DDX4: variants seen among roughly 807,000 people sequenced by gnomAD.
The protein encoded by DDX4 is probable ATP-dependent RNA helicase DDX4.
In DDX4, 25 loss-of-function variants were observed where a neutral mutation model predicts 100.0. The observed-to-expected ratio is 0.25, with a 90% confidence interval of 0.18 to 0.35. The LOEUF (loss-of-function observed/expected upper bound fraction) is 0.35, where lower values mean the gene tolerates loss of function less well. DDX4 is among the 10% of genes least tolerant of loss of function. The probability of loss-of-function intolerance (pLI) is 1.00; values close to 1 mark genes in which losing one functional copy is unlikely to be tolerated. For synonymous variants in DDX4, 259 were observed against 275.7 expected (o/e 0.94, Z 0.60); for missense variants, 635 against 882.4 (o/e 0.72, Z 3.55).
At chr5:55,774,019 C>T (rs1179730224) in intron 7 of DDX4, among the ~76,000 whole-genome samples, 3 of 152,040 alleles carry the variant, frequency 2.0e-5, no homozygotes, top group Non-Finnish European at 4.4e-5. Context: ...GGAGAAATGT[C>T]TTTCAGATCC....
chr5:55,816,437 T>TC lies in DDX4; in HGVS notation c.2098-26_2098-25insC, dbSNP rs780292815. ...AAAATTAAATGTTTGTTTGTTTCTT[T>TC]TTTTTTTTTTTTAAATAATTACCAG... On this transcript the variant is annotated intron_variant, in intron 21 of 21. Coordinates refer to ENST00000505374, the MANE Select transcript of DDX4 (RefSeq NM_024415.3). The TC allele has an allele frequency of 8.6e-6, 13 of 1,505,748 alleles. No homozygotes were observed. The South Asian group carries it at 1.3e-4, about 15-fold the overall frequency. 93.3% of individuals were successfully genotyped at this position (1,505,748 alleles called of 1,614,324 possible). A position where few individuals can be genotyped will look rare whatever the true frequency, so the allele number is the denominator to read the frequency against.
intron 2 of DDX4, among the ~76,000 whole-genome samples, chr5:55,739,550 C>T (rs1228551881): frequency 1.3e-5 from 2 of 152,020 alleles, no homozygotes; most frequent in Admixed American, 6.6e-5. Flanking sequence ...GTTTTTTGGG[C>T]TTCAGTTCTG....
At chr5:55,746,985 A>G (rs1047399803) in intron 3 of DDX4, among the ~76,000 whole-genome samples, 1 of 152,230 alleles carries the variant, frequency 6.6e-6, no homozygotes, top group African/African-American at 2.4e-5. Flanking sequence ...TAATCCCAGC[A>G]CTTTGGGAAG....
chr5:55,757,270 C>T (rs13170813), intron 3 of DDX4, among the ~76,000 whole-genome samples: 17,495 of 152,198 alleles, frequency 0.11, 1,531 homozygotes, highest in East Asian at 0.29. Context: ...CCTCATCGCA[C>T]TCCTTTCCCC....
At position 55,816,876 on chromosome 5, in the gene DDX4, A is replaced by C; in HGVS notation, c.*336A>C. ...TTTATTGATCTTATAAAACAAGCAA[A>C]TAGGATATGATACACTTTTGGTTAA... On this transcript the variant is annotated 3_prime_UTR_variant, in exon 22 of 22. Transcript: ENST00000505374. 1 of 196,182 alleles carries C rather than the reference A, an allele frequency of 5.1e-6. No individual in the cohort carries two copies. Among genetic ancestry groups the C allele is most frequent in the African/African-American group, 2.3e-5 (1 of 43,088 alleles). 12.2% of individuals were successfully genotyped at this position (196,182 alleles called of 1,614,324 possible).
chr5:55,738,856 T>A (rs900284203), intron 1 of DDX4, 94 bp from the exon 2 acceptor site: 2 of 802,140 alleles, frequency 2.5e-6, no homozygotes, highest in Non-Finnish European at 4.2e-6. Flanking sequence ...TTGGGTAGTT[T>A]CAAGATGTAT....
At chr5:55,804,260 C>T (rs1331151587) in intron 18 of DDX4, among the ~76,000 whole-genome samples, 4 of 151,932 alleles carry the variant, frequency 2.6e-5, no homozygotes, top group Admixed American at 6.5e-5. Context: ...AATTTTCTCC[C>T]GTTTTGTAGG....
Position 55,815,417 on chromosome 5 carries a change from C to T in DDX4, c.2091C>T (p.Thr697=). Residue 697 remains threonine (T), a synonymous_variant, in exon 21 of 22, where the codon ACC becomes ACT. Coordinates refer to ENST00000505374, the MANE Select transcript of DDX4 (RefSeq NM_024415.3). ...TRGNVFASVD[T]RKGKSTLNTA... ...GAAACGTGTTTGCATCAGTTGATAC[C>T]AGAAAGGTTAGTAGAAAGGAAAACT... The T allele has an allele frequency of 3.1e-6, 5 of 1,609,486 alleles. No homozygotes were observed. Among genetic ancestry groups the T allele is most frequent in the Non-Finnish European group, 3.4e-6 (4 of 1,179,016 alleles).
chr5:55,760,963 A>G (rs569247815), intron 4 of DDX4, among the ~76,000 whole-genome samples: 14 of 152,310 alleles, frequency 9.2e-5, no homozygotes, highest in African/African-American at 3.4e-4. Context: ...TGTTAAACAT[A>G]CTTGACACTT....
chr5:55,814,504 C>CTT (rs575021582), intron 19 of DDX4, among the ~76,000 whole-genome samples: 6 of 125,998 alleles, frequency 4.8e-5, no homozygotes, highest in African/African-American at 1.0e-4. Context: ...TGCTGCTATT[C>CTT]TTTTTTTTTT....
chr5:55,783,400 C>T (rs1393015223), intron 10 of DDX4, among the ~76,000 whole-genome samples: 2 of 151,944 alleles, frequency 1.3e-5, no homozygotes, highest in Admixed American at 6.6e-5. Flanking sequence ...AAAAATGTTA[C>T]ATCTCATTAG....
chr5:55,780,231 GAGAT>G (rs1408713841), intron 8 of DDX4, among the ~76,000 whole-genome samples, 166 bp downstream of exon 8: 1 of 152,168 alleles, frequency 6.6e-6, no homozygotes, highest in African/African-American at 2.4e-5. Flanking sequence ...ATTTTTTAGA[GAGAT>G]TTGATTGCAT....
At chr5:55,797,775 C>T (rs1275994859) in intron 17 of DDX4, among the ~76,000 whole-genome samples, 1 of 152,266 alleles carries the variant, frequency 6.6e-6, no homozygotes, top group Non-Finnish European at 1.5e-5. Flanking sequence ...AGTGAGTTAA[C>T]TGTGTGTCAA....
chr5:55,813,819 G>T, intron 19 of DDX4, 47 bp downstream of exon 19: 1 of 1,484,012 alleles, frequency 6.7e-7, no homozygotes, highest in Admixed American at 2.4e-5. Context: ...ACTTCTATTT[G>T]GTATTTAAGA....
At chr5:55,815,279 T>C (rs1173449182) in intron 20 of DDX4, 34 bp from the exon 21 acceptor site, 10 of 1,599,194 alleles carry the variant, frequency 6.3e-6, no homozygotes, top group Non-Finnish European at 8.5e-6. Context: ...TATTTAATAC[T>C]TTATGTTGCA....
At chr5:55,772,576 A>G (rs1255913039) in intron 7 of DDX4, among the ~76,000 whole-genome samples, 1 of 152,102 alleles carries the variant, frequency 6.6e-6, no homozygotes, top group Admixed American at 6.5e-5. Flanking sequence ...TTTGATTCCC[A>G]GAGTTGGAGG....
chr5:55,741,516 G>A (rs898296395), intron 2 of DDX4, among the ~76,000 whole-genome samples: 2 of 152,118 alleles, frequency 1.3e-5, no homozygotes, highest in Non-Finnish European at 1.5e-5. Flanking sequence ...GGCCAGGTGC[G>A]GTGGTTCATG....
At chr5:55,777,229 A>G (rs34774533) in intron 7 of DDX4, among the ~76,000 whole-genome samples, 16,683 of 152,240 alleles carry the variant, frequency 0.11, 1,382 homozygotes, top group East Asian at 0.29. Context: ...AACTCTGTAA[A>G]GAGAAAACAC....
In DDX4 at chr5:55,798,581, G is replaced by T. The variant is rs1197749965; in HGVS notation, c.1615+10G>T. The T allele has an allele frequency of 1.9e-6, 3 of 1,566,650 alleles. No individual in the cohort carries two copies. Among genetic ancestry groups the T allele is most frequent in the Non-Finnish European group, 1.7e-6 (2 of 1,159,804 alleles). On this transcript the variant is annotated intron_variant, in intron 18 of 21. Coordinates refer to ENST00000505374, the MANE Select transcript of DDX4 (RefSeq NM_024415.3). Reference sequence around the variant, plus strand: ...ATTCTGCGAAACATAGGTATCTTACGTTGATACATTTTTTTGTCATGATTT... The same window carrying T: ...ATTCTGCGAAACATAGGTATCTTACTTTGATACATTTTTTTGTCATGATTT...
Sources: gnomAD v4.1 joint callset for allele counts (sites outside exome capture counted in the v4.1 genomes callset) on GRCh38, gnomAD v4.1.1 for gene constraint, MANE v1.5 for transcripts, NCBI Gene and HGNC (gene_info 2026-07-23, HGNC 2026-07-21) for gene names.